LONRF3: variants seen among roughly 807,000 people sequenced by gnomAD.
LONRF3 encodes the protein LON peptidase N-terminal domain and ring finger 3, also known as LON peptidase N-terminal domain and RING finger protein 3.
LONRF3 carries 19 observed loss-of-function variants against 51.7 expected under a neutral mutation model. The observed-to-expected ratio is 0.37, with a 90% CI of 0.26 to 0.54. LONRF3 has a LOEUF of 0.54. Ranked by LOEUF, LONRF3 falls within the 20% of genes least tolerant of loss-of-function variation. LONRF3 has a pLI of 0.86. For missense variants in LONRF3, 521 were observed against 623.9 expected, an observed-to-expected ratio of 0.84 and a Z score of 1.76; for synonymous variants, 265 against 257.8, an observed-to-expected ratio of 1.03 and a Z score of -0.27.
intron 5 of LONRF3, among the ~76,000 whole-genome samples, chrX:118,994,227 C>T (rs537626070): frequency 4.5e-5 from 5 of 111,822 alleles, no homozygotes; most frequent in African/African-American, 1.6e-4. Flanking sequence ...AAATGCCCCA[C>T]TTAAAAGATA....
intron 4 of LONRF3, 110 bp from the exon 5 acceptor site, chrX:118,990,357 AGGT>A (rs1452561146): frequency 1.8e-6 from 1 of 547,048 alleles, no homozygotes; most frequent in Non-Finnish European, 3.1e-6. Flanking sequence ...ACTCTCTGGG[AGGT>A]GGTGGTGAGA....
chrX:119,011,731 G>A, intron 7 of LONRF3, 84 bp from the exon 8 acceptor site: 2 of 1,004,813 alleles, frequency 2.0e-6, no homozygotes, highest in East Asian at 3.1e-5. Flanking sequence ...CTTCCCCCAG[G>A]GGTATCACAT....
Position 118,990,484 on chromosome X carries a change from CA to C in LONRF3, c.1340del (p.Gln447ArgfsTer25). 8.3e-7 allele frequency: 1 copy of C among 1,209,989 alleles called. No homozygotes were observed. Among genetic ancestry groups the C allele is most frequent in the Non-Finnish European group, 1.1e-6 (1 of 893,913 alleles). ...CTAAATCGCAGATCCTCCCACTGAT[CA>C]GGGGGACAAACCTGCTCTCAGTTTA... Reference protein sequence around the residue: ...KASKQDPPTDQGDKPALSLPL... With the variant: ...KASKQDPPTDXGDKPALSLPL... On this transcript the variant is annotated frameshift_variant, in exon 5 of 11. Transcript: ENST00000371628. LOFTEE classifies it high-confidence loss of function.
Position 119,011,815 on chromosome X carries a change from C to T in LONRF3, c.1653C>T (p.Asn551=), listed in dbSNP as rs1269727322. The change falls in exon 8 of 11, where the codon AAC becomes AAT. Residue 551 remains asparagine, a splice_region_variant and synonymous_variant. Transcript: ENST00000371628. The part of the protein sequence containing the change: ...LYEEEMEELS[N]LNKNVPIFVC... ...CCCTGTCATTTTCTCTTTCTGACAG[C>T]CTTAATAAGAATGTGCCTATTTTCG... 7.4e-6 allele frequency: 9 copies of T among 1,209,976 alleles called. No homozygotes were observed. Among genetic ancestry groups the T allele is most frequent in the Non-Finnish European group, 1.0e-5 (9 of 894,182 alleles).
intron 2 of LONRF3, among the ~76,000 whole-genome samples, chrX:118,980,425 C>A (rs1465173094): frequency 8.9e-6 from 1 of 111,828 alleles, no homozygotes; most frequent in East Asian, 2.8e-4. Flanking sequence ...ATTTTGATGT[C>A]AAGCTTATGA....
At chrX:118,991,461 G>A (rs943886091) in intron 5 of LONRF3, among the ~76,000 whole-genome samples, 12 of 111,343 alleles carry the variant, frequency 1.1e-4, no homozygotes, top group African/African-American at 3.3e-4. Context: ...GAATATTAGT[G>A]GTGGGCCTGA....
At chrX:119,002,399 T>C (rs1924382185) in intron 5 of LONRF3, among the ~76,000 whole-genome samples, 1 of 112,593 alleles carries the variant, frequency 8.9e-6, no homozygotes, top group Non-Finnish European at 1.9e-5. Context: ...ATTATTTCAA[T>C]CTGGCTTCTT....
intron 5 of LONRF3, among the ~76,000 whole-genome samples, chrX:118,991,563 C>A (rs1171614430): frequency 8.9e-6 from 1 of 112,068 alleles, no homozygotes; most frequent in Non-Finnish European, 1.9e-5. Flanking sequence ...CATGCTCCCC[C>A]ACCCCAAAAG....
chrX:119,013,842 C>T (rs768188837), intron 9 of LONRF3, among the ~76,000 whole-genome samples: 1 of 112,189 alleles, frequency 8.9e-6, no homozygotes, highest in African/African-American at 3.2e-5. Context: ...ACTCCTGTGT[C>T]TTTTCCAGCA....
chrX:118,979,482 A>T (rs1418343296), intron 2 of LONRF3, among the ~76,000 whole-genome samples: 2 of 110,698 alleles, frequency 1.8e-5, no homozygotes, highest in Non-Finnish European at 3.8e-5. Flanking sequence ...TTTAGTAGTG[A>T]CGGGGTTTTG....
intron 3 of LONRF3, among the ~76,000 whole-genome samples, chrX:118,983,646 C>T (rs1451258018): frequency 2.7e-5 from 3 of 112,329 alleles, no homozygotes; most frequent in Non-Finnish European, 5.6e-5. Flanking sequence ...CTACAGTTTA[C>T]TCTGCTGGTG....
In LONRF3 at chrX:119,013,021, T is replaced by C. The variant is rs771343895; in HGVS notation, c.1812-18T>C. 8.3e-7 allele frequency: 1 copy of C among 1,209,761 alleles called. No homozygotes were observed. The highest frequency in any genetic ancestry group is 3.0e-5 in the East Asian group (1 of 33,821). ...CTCATCAAGGATCTAGTCTCTCGAC[T>C]CCATTCTCAATAAACAGGTTTGCAG... On this transcript the variant is annotated intron_variant, in intron 8 of 10. Transcript: ENST00000371628.
chrX:118,987,445 G>GTTTTTGT (rs1923069916), intron 3 of LONRF3, among the ~76,000 whole-genome samples: 1 of 32,306 alleles, frequency 3.1e-5, no homozygotes, highest in Admixed American at 5.6e-4. Context: ...GCCTGGCTAA[G>GTTTTTGT]TTTTTTTTTT....
chrX:118,988,618 C>T (rs990727848), intron 3 of LONRF3, among the ~76,000 whole-genome samples: 1 of 111,132 alleles, frequency 9.0e-6, no homozygotes, highest in African/African-American at 3.3e-5. Context: ...GGAAACAACA[C>T]GATGAGTATC....
Position 118,975,433 on chromosome X carries a change from A to G in LONRF3, c.653A>G (p.Gln218Arg). Residue 218 changes from glutamine (Q) to arginine (R), a missense_variant, in exon 1 of 11, where the codon CAG (glutamine) becomes CGG (arginine). By Grantham distance (43) the Gln-to-Arg change is conservative (BLOSUM62 1). Transcript: ENST00000371628. ...CGTGGAGCCCGGCGGGCTGGGCAGC[A>G]GCCGCCGCCGCCGCTGCGAGTCAAC... ...RARGARRAGQ[Q>R]PPPPLRVNVV... 8.4e-7 allele frequency: 1 copy of G among 1,185,721 alleles called. No homozygotes were observed. Among genetic ancestry groups the G allele is most frequent in the East Asian group, 3.1e-5 (1 of 32,279 alleles).
At chrX:118,990,889 G>A (rs755372985) in intron 5 of LONRF3, among the ~76,000 whole-genome samples, 2 of 110,312 alleles carry the variant, frequency 1.8e-5, no homozygotes, top group East Asian at 5.7e-4. Flanking sequence ...ACAGAGTCTT[G>A]CTCTGTTGCC....
chrX:118,999,400 A>G (rs940403427), intron 5 of LONRF3, among the ~76,000 whole-genome samples: 2 of 112,142 alleles, frequency 1.8e-5, no homozygotes, highest in Admixed American at 9.4e-5. Flanking sequence ...TCCTGCTTCC[A>G]GGCAGAGCAA....
At chrX:118,990,629 G>A in intron 5 of LONRF3, 69 bp downstream of exon 5, 8 of 864,838 alleles carry the variant, frequency 9.3e-6, no homozygotes, top group Non-Finnish European at 1.4e-5. Context: ...CTTTCTGCTA[G>A]TGACCTACTG....
intron 7 of LONRF3, among the ~76,000 whole-genome samples, chrX:119,011,600 C>T (rs1925115301): frequency 8.9e-6 from 1 of 112,403 alleles, no homozygotes; most frequent in Admixed American, 9.4e-5. Flanking sequence ...CTAACCTCTG[C>T]ATCAGATCAT....
Sources: allele counts gnomAD v4.1 joint callset (sites outside exome capture counted in the v4.1 genomes callset), GRCh38; gene constraint gnomAD v4.1.1; transcripts MANE v1.5; gene names NCBI Gene and HGNC (gene_info 2026-07-23, HGNC 2026-07-21).